SND1: variants seen among roughly 807,000 people sequenced by gnomAD.
The protein encoded by SND1 is staphylococcal nuclease domain-containing protein 1.
Under a neutral mutation model 121.7 loss-of-function variants are expected in SND1, and 38 were observed. The observed-to-expected ratio is 0.31, with a 90% CI of 0.24 to 0.41. The LOEUF is 0.41. Ranked by LOEUF, SND1 falls within the 10% of genes least tolerant of loss-of-function variation. SND1 has a pLI of 1.00. For missense variants in SND1, 868 were observed against 1,184.6 expected (o/e 0.73, Z 3.92); for synonymous variants, 401 against 447.4 (o/e 0.90, Z 1.31).
At chr7:127,985,814 C>G (rs1219895505) in intron 15 of SND1, among the ~76,000 whole-genome samples, 1 of 152,170 alleles carries the variant, frequency 6.6e-6, no homozygotes, top group Non-Finnish European at 1.5e-5. Flanking sequence ...TTTCAGTGTA[C>G]CCCGTGGACA....
chr7:127,908,162 G>A (rs967771920), intron 14 of SND1, among the ~76,000 whole-genome samples: 4 of 151,866 alleles, frequency 2.6e-5, no homozygotes, highest in South Asian at 4.2e-4. Flanking sequence ...TAAAAAATTT[G>A]GCCCTCTAGA....
At chr7:127,657,201 G>T (rs1795226710) in intron 1 of SND1, among the ~76,000 whole-genome samples, 1 of 152,166 alleles carries the variant, frequency 6.6e-6, no homozygotes, top group Admixed American at 6.5e-5. Flanking sequence ...TTAAAAAGTA[G>T]ATCAAATTTC....
At chr7:128,030,354 C>A (rs746701145) in intron 16 of SND1, 1 of 1,613,914 alleles carries the variant, frequency 6.2e-7, no homozygotes, top group Admixed American at 1.7e-5. Context: ...GTGGAGGTGG[C>A]GGAAGGTGTC....
At chr7:127,682,469 G>A (rs1437925889) in intron 1 of SND1, among the ~76,000 whole-genome samples, 1 of 152,182 alleles carries the variant, frequency 6.6e-6, no homozygotes, top group Non-Finnish European at 1.5e-5. Flanking sequence ...ACCTCCTGCT[G>A]TATCAGGTAG....
chr7:127,993,216 AAAAC>A, intron 16 of SND1, among the ~76,000 whole-genome samples: 1 of 152,264 alleles, frequency 6.6e-6, no homozygotes, highest in Non-Finnish European at 1.5e-5. Context: ...ATTATATATG[AAAAC>A]TGTTTTCTGA....
At chr7:127,871,805 C>T (rs1175762294) in intron 12 of SND1, among the ~76,000 whole-genome samples, 3 of 152,020 alleles carry the variant, frequency 2.0e-5, no homozygotes, top group African/African-American at 7.2e-5. Flanking sequence ...ACATGCACTA[C>T]GTGACTATTA....
chr7:127,897,526 T>C (rs1356158365), intron 13 of SND1, among the ~76,000 whole-genome samples: 1 of 152,094 alleles, frequency 6.6e-6, no homozygotes. Context: ...TTGGGATTCA[T>C]AGGGAAAGGA....
chr7:128,032,543 C>G (rs1792658726), intron 16 of SND1, among the ~76,000 whole-genome samples: 2 of 151,830 alleles, frequency 1.3e-5, no homozygotes, highest in South Asian at 4.1e-4. Flanking sequence ...CCCCGCCCTC[C>G]GGCCCGCACC....
chr7:127,696,572 A>G (rs1796010116), intron 3 of SND1, among the ~76,000 whole-genome samples: 2 of 152,220 alleles, frequency 1.3e-5, no homozygotes, highest in South Asian at 4.1e-4. Flanking sequence ...TTTCAATTCC[A>G]TAATAGCTGA....
At chr7:127,890,512 A>G (rs1799990315) in intron 13 of SND1, among the ~76,000 whole-genome samples, 1 of 152,128 alleles carries the variant, frequency 6.6e-6, no homozygotes, top group Non-Finnish European at 1.5e-5. Flanking sequence ...CAGGTTATGC[A>G]TTTCCAGAGT....
At chr7:127,780,684 G>A (rs1348024764) in intron 10 of SND1, among the ~76,000 whole-genome samples, 2 of 152,186 alleles carry the variant, frequency 1.3e-5, no homozygotes, top group Non-Finnish European at 2.9e-5. Context: ...TAATCATAAT[G>A]ACGCCATTGT....
chr7:127,878,225 T>A (rs1799726385), intron 12 of SND1, among the ~76,000 whole-genome samples: 2 of 152,226 alleles, frequency 1.3e-5, no homozygotes, highest in South Asian at 4.1e-4. Flanking sequence ...GATTTTTGTA[T>A]CTCCAGTATC....
chr7:127,804,477 C>G (rs1798195813), intron 10 of SND1, among the ~76,000 whole-genome samples: 1 of 152,126 alleles, frequency 6.6e-6, no homozygotes, highest in South Asian at 2.1e-4. Flanking sequence ...TTTAGACAAA[C>G]ATTTTCAAAC....
intron 12 of SND1, among the ~76,000 whole-genome samples, chr7:127,849,896 G>T (rs149420459): frequency 5.3e-5 from 8 of 152,234 alleles, no homozygotes; most frequent in East Asian, 1.9e-4. Flanking sequence ...TCCAAGTTCT[G>T]TGGGGGCTCG....
chr7:127,896,386 T>C (rs1386396656), intron 13 of SND1, among the ~76,000 whole-genome samples: 1 of 152,148 alleles, frequency 6.6e-6, no homozygotes. Flanking sequence ...ACCCTTGACT[T>C]TCTTGAATGT....
chr7:127,763,386 G>C (rs1274570213), intron 10 of SND1, among the ~76,000 whole-genome samples: 2 of 151,960 alleles, frequency 1.3e-5, no homozygotes, highest in Non-Finnish European at 2.9e-5. Flanking sequence ...TTGCTCTGTT[G>C]CCCAGGCTGG....
At chr7:127,862,116 A>G (rs1484538529) in intron 12 of SND1, among the ~76,000 whole-genome samples, 2 of 152,188 alleles carry the variant, frequency 1.3e-5, no homozygotes, top group Non-Finnish European at 2.9e-5. Flanking sequence ...TTTTTAATGT[A>G]TGGCAGCTTC....
intron 16 of SND1, among the ~76,000 whole-genome samples, chr7:127,991,955 A>G (rs948040691): frequency 5.9e-5 from 9 of 152,228 alleles, no homozygotes; most frequent in Non-Finnish European, 1.0e-4. Flanking sequence ...CCACTCCGAG[A>G]TGCTTATGTT....
chr7:127,703,080 G>A, intron 6 of SND1, 85 bp from the exon 7 acceptor site: 3 of 1,491,410 alleles, frequency 2.0e-6, no homozygotes, highest in Non-Finnish European at 2.8e-6. Context: ...TGGCATGTGT[G>A]TTTTTTGGAA....
Sources: allele counts gnomAD v4.1 joint callset (sites outside exome capture counted in the v4.1 genomes callset), GRCh38; gene constraint gnomAD v4.1.1; transcripts MANE v1.5; gene names NCBI Gene and HGNC (gene_info 2026-07-23, HGNC 2026-07-21).